Variants in RP9 observed in about 807,000 individuals in gnomAD.
RP9 encodes the protein retinitis pigmentosa 9 protein.
Under a neutral mutation model 32.6 loss-of-function variants are expected in RP9, and 23 were observed. The ratio of observed to expected loss-of-function variants is 0.71; its 90% CI spans 0.51 to 1.00. RP9 has a LOEUF of 1.00. Among genes scored for constraint, RP9 ranks in the 50% least tolerant of loss-of-function variants. The pLI, the probability that RP9 is intolerant of heterozygous loss-of-function variation, is 0.00. For synonymous variants in RP9, 94 were observed against 103.6 expected (o/e 0.91, Z 0.56); for missense variants, 245 against 285.3 (o/e 0.86, Z 1.02).
At chr7:33,096,433 T>G (rs933571097) in intron 5 of RP9, 60 bp downstream of exon 5, 1 of 1,272,268 alleles carries the variant, frequency 7.9e-7, no homozygotes, top group Non-Finnish European at 1.1e-6. Context: ...AGTGGTTTTC[T>G]CCAACTTTAT....
At chr7:33,108,279 A>G (rs764932165) in intron 1 of RP9, among the ~76,000 whole-genome samples, 3 of 152,240 alleles carry the variant, frequency 2.0e-5, no homozygotes, top group Non-Finnish European at 4.4e-5. Flanking sequence ...AATCACGGAC[A>G]AGAACTGAAA....
intron 1 of RP9, among the ~76,000 whole-genome samples, chr7:33,104,709 T>C (rs1220809213): frequency 6.6e-6 from 1 of 152,032 alleles, no homozygotes; most frequent in Non-Finnish European, 1.5e-5. Flanking sequence ...GCCTCTGGAG[T>C]AGCTGGGACT....
Position 33,099,337 on chromosome 7 carries a change from G to C in RP9, c.283C>G (p.Pro95Ala). ...AHAPTKGLWM[P>A]LGKEVKVMQC... The stretch of plus-strand genomic sequence containing the variant: ...ATAACTTTGACTTCTTTCCCCAGTG[G>C]CATCCAAAGTCCTTTAGTTGGTGCA... The change falls in exon 3 of 6, where the codon CCA becomes GCA. Residue 95 changes from proline to alanine, a missense_variant. Physicochemically the swap from Pro to Ala is conservative, Grantham distance 27 (BLOSUM62 -1). Transcript: ENST00000297157. 1 of 1,613,548 alleles carries C rather than the reference G, an allele frequency of 6.2e-7. No homozygotes were observed. Among genetic ancestry groups the C allele is most frequent in the Non-Finnish European group, 8.5e-7 (1 of 1,179,946 alleles).
Position 33,095,221 on chromosome 7 carries a change from A to T in RP9, c.*13T>A, listed in dbSNP as rs373113109. 8.1e-6 allele frequency: 13 copies of T among 1,597,638 alleles called. No homozygotes were observed. In the African/African-American group the frequency reaches 1.7e-4, roughly 21 times the overall value. On this transcript the variant is annotated 3_prime_UTR_variant, in exon 6 of 6. Coordinates refer to ENST00000297157, the MANE Select transcript of RP9 (RefSeq NM_203288.2). ...GTGTTTGAGAAGAGAATGTTGAACA[A>T]GTCACATCCTTGTCACTCTGAGTCA...
intron 2 of RP9, 37 bp from the exon 3 acceptor site, chr7:33,099,473 G>T: frequency 6.2e-7 from 1 of 1,613,422 alleles, no homozygotes; most frequent in Non-Finnish European, 8.5e-7. Context: ...CATGGCAAGA[G>T]CGCTGGGATT....
At chr7:33,099,260 T>C in intron 3 of RP9, 47 bp downstream of exon 3, 1 of 1,604,338 alleles carries the variant, frequency 6.2e-7, no homozygotes, top group Non-Finnish European at 8.5e-7. Context: ...TCTTTGTAAA[T>C]TGAGGCATGT....
chr7:33,096,325 T>C (rs1788334086), intron 5 of RP9, among the ~76,000 whole-genome samples, 168 bp downstream of exon 5: 1 of 152,222 alleles, frequency 6.6e-6, no homozygotes, highest in Non-Finnish European at 1.5e-5. Context: ...GCTGGCCTGC[T>C]CATTCCCCAA....
At chr7:33,096,209 A>G (rs1788332016) in intron 5 of RP9, among the ~76,000 whole-genome samples, 2 of 152,222 alleles carry the variant, frequency 1.3e-5, no homozygotes, top group South Asian at 4.1e-4. Context: ...GAAAATATCA[A>G]TTATACTGTA....
intron 1 of RP9, among the ~76,000 whole-genome samples, chr7:33,104,153 A>C (rs189488491): frequency 4.6e-5 from 7 of 152,322 alleles, no homozygotes; most frequent in African/African-American, 1.4e-4. Flanking sequence ...CAGAAGAGAT[A>C]GAGCAACAGA....
chr7:33,100,549 A>T lies in RP9; in HGVS notation c.165T>A (p.Pro55=). ...LKHLESFYEK[P]PPGLIKEDET... ...CACTAACCTTGATAAGCCCAGGAGG[A>T]GGTTTTTCGTAACTGGAAAACAAAA... The change falls in exon 2 of 6, where the codon CCT becomes CCA. Residue 55 remains proline, a synonymous_variant. Coordinates refer to ENST00000297157, the MANE Select transcript of RP9 (RefSeq NM_203288.2). 6.2e-7 allele frequency: 1 copy of T among 1,613,724 alleles called. No homozygotes were observed. The highest frequency in any genetic ancestry group is 8.5e-7 in the Non-Finnish European group (1 of 1,179,592).
chr7:33,101,378 G>C (rs867149531), intron 1 of RP9, among the ~76,000 whole-genome samples: 3 of 152,078 alleles, frequency 2.0e-5, no homozygotes, highest in African/African-American at 7.2e-5. Context: ...GAGGCGGGCA[G>C]ATCACTTGAG....
chr7:33,099,203 TG>T, intron 3 of RP9, 103 bp downstream of exon 3: 1 of 1,343,786 alleles, frequency 7.4e-7, no homozygotes, highest in South Asian at 1.2e-5. Flanking sequence ...GTGCCTTGGC[TG>T]TAAGAGGGCT....
Position 33,100,371 on chromosome 7 carries a change from G to A in RP9, c.183+160C>T, listed in dbSNP as rs1252950712. On this transcript the variant is annotated intron_variant, in intron 2 of 5. Transcript: ENST00000297157. Reference sequence around the variant, plus strand: ...GAAATTTCTGCAAAGGCAGAGGCTTGTGACAAAACTAAAAATTATGACCCC... The same window carrying A: ...GAAATTTCTGCAAAGGCAGAGGCTTATGACAAAACTAAAAATTATGACCCC... 4.2e-6 allele frequency: 3 copies of A among 716,782 alleles called. No individual in the cohort carries two copies. The African/African-American group carries it at 5.3e-5, about 13-fold the overall frequency. 44.4% of individuals were successfully genotyped at this position (716,782 alleles called of 1,614,324 possible).
chr7:33,098,404 G>A (rs1191481704), intron 3 of RP9, among the ~76,000 whole-genome samples: 1 of 152,130 alleles, frequency 6.6e-6, no homozygotes, highest in Non-Finnish European at 1.5e-5. Context: ...GTAGAAGGTT[G>A]TTTAATGTGT....
At chr7:33,099,457 A>C in intron 2 of RP9, 21 bp from the exon 3 acceptor site, 1 of 1,613,652 alleles carries the variant, frequency 6.2e-7, no homozygotes, top group Non-Finnish European at 8.5e-7. Context: ...GAACAGGTAT[A>C]AACAGCATGG....
intron 5 of RP9, 48 bp from the exon 6 acceptor site, chr7:33,095,480 T>C (rs772310278): frequency 3.1e-6 from 5 of 1,609,836 alleles, no homozygotes; most frequent in Non-Finnish European, 4.2e-6. Context: ...AGCTTTAACT[T>C]ACAACAGTTG....
At position 33,096,596 on chromosome 7, in the gene RP9, G is replaced by A. The variant is rs751316067; in HGVS notation, c.406-42C>T. The A allele has an allele frequency of 2.3e-5, 31 of 1,346,890 alleles. No individual in the cohort carries two copies. In the South Asian group the frequency reaches 3.6e-4, roughly 16 times the overall value. 83.4% of individuals were successfully genotyped at this position (1,346,890 alleles called of 1,614,324 possible). ...GGTTAAGGTTTGGTTAGGCTTCATG[G>A]ATCACAAGTTAAATACAATGAAATG... is the stretch of plus-strand genomic sequence containing the variant. On this transcript the variant is annotated intron_variant, in intron 4 of 5. Transcript: ENST00000297157.
chr7:33,107,024 G>A (rs1170296315), intron 1 of RP9, among the ~76,000 whole-genome samples: 1 of 152,160 alleles, frequency 6.6e-6, no homozygotes, highest in Admixed American at 6.5e-5. Flanking sequence ...GGTTTGGGAG[G>A]GGGAAGAGGG....
intron 1 of RP9, among the ~76,000 whole-genome samples, chr7:33,107,612 C>G (rs935307821): frequency 6.6e-6 from 1 of 152,068 alleles, no homozygotes; most frequent in Admixed American, 6.5e-5. Context: ...CCCTGCCCTG[C>G]TAAGGGGAAA....
Sources: gnomAD v4.1 joint callset for allele counts (sites outside exome capture counted in the v4.1 genomes callset) on GRCh38, gnomAD v4.1.1 for gene constraint, MANE v1.5 for transcripts, NCBI Gene and HGNC (gene_info 2026-07-23, HGNC 2026-07-21) for gene names.